Variants in NCKAP5 observed in about 807,000 individuals in gnomAD.
The protein encoded by NCKAP5 is NCK associated protein 5.
A neutral mutation model predicts 167.0 loss-of-function variants in NCKAP5; 92 were observed. That is an observed-to-expected ratio of 0.55 (90% CI 0.47 to 0.66). The LOEUF is 0.66. Ranked by LOEUF, NCKAP5 falls within the 30% of genes least tolerant of loss-of-function variation. The pLI is 0.00. For synonymous variants in NCKAP5, 891 were observed against 877.4 expected (o/e 1.02, Z -0.27); for missense variants, 2,378 against 2,315.0 (o/e 1.03, Z -0.56).
Position 133,129,974 on chromosome 2 carries a change from A to G in NCKAP5, c.341+4T>C, listed in dbSNP as rs1458708619. 3 of 1,602,506 alleles carry G rather than the reference A, an allele frequency of 1.9e-6. No homozygotes were observed. Among genetic ancestry groups the G allele is most frequent in the Non-Finnish European group, 2.6e-6 (3 of 1,176,132 alleles). ...GAAGCAATCTGCTCAGCTAAGAACA[A>G]TACCTGGAGAACTGCTGCTGCAAGC... On this transcript the variant is annotated splice_donor_region_variant and intron_variant, in intron 6 of 19. Transcript: ENST00000409261.
the NCKAP5 span, among the ~76,000 whole-genome samples, chr2:133,629,050 G>T: frequency 2.0e-5 from 3 of 152,102 alleles, no homozygotes; most frequent in African/African-American, 7.2e-5. Context: ...GAAAATCTAG[G>T]CAATACCATT....
the NCKAP5 span, among the ~76,000 whole-genome samples, chr2:133,670,201 T>C: frequency 2.0e-5 from 3 of 152,160 alleles, no homozygotes; most frequent in African/African-American, 7.2e-5. Context: ...GCCTGCTGCA[T>C]TAGGATTTTG....
intron 19 of NCKAP5, among the ~76,000 whole-genome samples, chr2:132,693,711 C>T (rs1487254352): frequency 4.7e-5 from 7 of 150,130 alleles, no homozygotes; most frequent in East Asian, 2.0e-4. Flanking sequence ...CTGCAACCTC[C>T]GCTTCCCCAG....
the NCKAP5 span, among the ~76,000 whole-genome samples, chr2:133,580,347 ACTC>A: frequency 6.6e-6 from 1 of 152,044 alleles, no homozygotes; most frequent in African/African-American, 2.4e-5. Context: ...GAGGATCTAA[ACTC>A]CTGCACCTCT....
intron 6 of NCKAP5, among the ~76,000 whole-genome samples, chr2:133,016,272 G>C (rs545785979): frequency 5.8e-4 from 88 of 152,310 alleles, no homozygotes; most frequent in African/African-American, 2.1e-3. Flanking sequence ...TGGTGTGTGA[G>C]AGCACATGAA....
chr2:133,010,692 C>T (rs1388525635), intron 6 of NCKAP5, among the ~76,000 whole-genome samples: 1 of 152,166 alleles, frequency 6.6e-6, no homozygotes, highest in African/African-American at 2.4e-5. Flanking sequence ...CCACAACATT[C>T]CCCAACCACA....
At chr2:133,521,938 C>T (rs1221601723) in intron 2 of NCKAP5, among the ~76,000 whole-genome samples, 1 of 152,148 alleles carries the variant, frequency 6.6e-6, no homozygotes, top group Non-Finnish European at 1.5e-5. Context: ...TGGTGGCTAC[C>T]TCCAGACTCC....
intron 3 of NCKAP5, among the ~76,000 whole-genome samples, chr2:133,324,789 G>A (rs113800917): frequency 1.3e-4 from 19 of 151,682 alleles, no homozygotes; most frequent in African/African-American, 4.6e-4. Context: ...GCACGATCTC[G>A]GCTCACTGCA....
chr2:132,802,628 C>T (rs1276096856), intron 11 of NCKAP5, among the ~76,000 whole-genome samples: 2 of 152,164 alleles, frequency 1.3e-5, no homozygotes, highest in African/African-American at 2.4e-5. Context: ...TTAAGAGAAG[C>T]ATTTTAAATA....
intron 8 of NCKAP5, among the ~76,000 whole-genome samples, chr2:132,925,320 C>T (rs553489275): frequency 2.0e-5 from 3 of 151,446 alleles, no homozygotes; most frequent in Admixed American, 1.3e-4. Flanking sequence ...TTTGGGAGGC[C>T]GAGGCGGGCA....
At chr2:133,342,453 C>T (rs1018441484) in intron 3 of NCKAP5, among the ~76,000 whole-genome samples, 1 of 152,170 alleles carries the variant, frequency 6.6e-6, no homozygotes, top group African/African-American at 2.4e-5. Context: ...CTACTCCCAA[C>T]TCCTCCTTTT....
chr2:132,709,368 G>A lies in NCKAP5; in HGVS notation c.5713+16259C>T, dbSNP rs116476035. ...AAAATAACAAAAGTTAATAAAATGGGGTGGTGGTAGAGGGGCACGATACAA... is the reference window on the plus strand; with the variant it reads ...AAAATAACAAAAGTTAATAAAATGGAGTGGTGGTAGAGGGGCACGATACAA... On this transcript the variant is annotated intron_variant, in intron 19 of 19. Coordinates refer to ENST00000409261, the MANE Select transcript of NCKAP5 (RefSeq NM_207363.3). Among the ~76,000 whole-genome samples the A allele has an allele frequency of 7.1e-3, 1,078 of 152,064 alleles. 11 individuals carry two copies. Among genetic ancestry groups the A allele is most frequent in the African/African-American group, 0.023 (946 of 41,498 alleles).
intron 11 of NCKAP5, among the ~76,000 whole-genome samples, chr2:132,809,244 G>A (rs72847237): frequency 0.1 from 15,582 of 152,020 alleles, 928 homozygotes; most frequent in East Asian, 0.2. Flanking sequence ...TGTATTCTGC[G>A]GTTGTTGAAT....
intron 3 of NCKAP5, among the ~76,000 whole-genome samples, chr2:133,470,370 C>T (rs1427182401): frequency 1.7e-3 from 263 of 151,870 alleles, no homozygotes; most frequent in African/African-American, 5.1e-3. Flanking sequence ...CTGCCGGTTC[C>T]CAGATCTCCA....
At chr2:133,346,250 A>C (rs756224306) in intron 3 of NCKAP5, among the ~76,000 whole-genome samples, 1 of 152,190 alleles carries the variant, frequency 6.6e-6, no homozygotes, top group Non-Finnish European at 1.5e-5. Context: ...GTGAGCAAAA[A>C]CACATCTATT....
At chr2:132,892,059 T>G (rs13426185) in intron 8 of NCKAP5, among the ~76,000 whole-genome samples, 4,378 of 152,274 alleles carry the variant, frequency 0.029, 180 homozygotes, top group African/African-American at 0.099. Flanking sequence ...CAGGCTTTAA[T>G]GCAGGGGGTG....
chr2:133,279,538 T>A (rs1162373548), intron 4 of NCKAP5, among the ~76,000 whole-genome samples: 1 of 152,224 alleles, frequency 6.6e-6, no homozygotes, highest in Admixed American at 6.5e-5. Context: ...AATATACTTT[T>A]TTTTCACAGT....
At chr2:132,789,420 T>C (rs768642566) in intron 13 of NCKAP5, among the ~76,000 whole-genome samples, 10 of 152,196 alleles carry the variant, frequency 6.6e-5, no homozygotes, top group Non-Finnish European at 1.3e-4. Flanking sequence ...ATCTTCTGAG[T>C]TCTTGTTCAG....
chr2:132,979,918 GC>G (rs1396488433), intron 7 of NCKAP5, among the ~76,000 whole-genome samples: 1 of 151,996 alleles, frequency 6.6e-6, no homozygotes, highest in Non-Finnish European at 1.5e-5. Flanking sequence ...GCCACAGGAA[GC>G]TTTCACATAG....
Sources: allele counts gnomAD v4.1 joint callset (sites outside exome capture counted in the v4.1 genomes callset), GRCh38; gene constraint gnomAD v4.1.1; transcripts MANE v1.5; gene names NCBI Gene and HGNC (gene_info 2026-07-23, HGNC 2026-07-21).